The following FHOD3 variants were observed in gnomAD, a reference collection of about 807,000 sequenced individuals.
The protein encoded by FHOD3 is formin homology 2 domain containing 3, also known as FH1/FH2 domain-containing protein 3.
A neutral mutation model predicts 173.0 loss-of-function variants in FHOD3; 90 were observed. The ratio of observed to expected loss-of-function variants is 0.52; its 90% CI spans 0.44 to 0.62. The LOEUF is 0.62. FHOD3 is among the 20% of genes least tolerant of loss of function. FHOD3 has a pLI of 0.00. For missense variants in FHOD3, 1,945 were observed against 2,034.7 expected (o/e 0.96, Z 0.85); for synonymous variants, 828 against 823.0 (o/e 1.01, Z -0.10).
chr18:36,539,696 C>T (rs2057131052), intron 5 of FHOD3, among the ~76,000 whole-genome samples: 2 of 152,178 alleles, frequency 1.3e-5, no homozygotes, highest in Admixed American at 6.5e-5. Context: ...GGCTGTTTAT[C>T]ACCATTTTGA....
intron 27 of FHOD3, among the ~76,000 whole-genome samples, chr18:36,768,185 A>G (rs1380719356): frequency 2.0e-5 from 3 of 152,208 alleles, no homozygotes; most frequent in Non-Finnish European, 2.9e-5. Flanking sequence ...TTTTGAGCAT[A>G]TTGTACATCT....
chr18:36,649,453 C>G, intron 11 of FHOD3, 48 bp downstream of exon 11: 1 of 1,417,530 alleles, frequency 7.1e-7, no homozygotes, highest in South Asian at 1.2e-5. Flanking sequence ...GTGGGAGACT[C>G]CTTCCTAATG....
chr18:36,596,010 C>T (rs184632605), intron 7 of FHOD3, among the ~76,000 whole-genome samples: 182 of 152,200 alleles, frequency 1.2e-3, no homozygotes, highest in African/African-American at 4.0e-3. Flanking sequence ...CACTGTTAAC[C>T]TGTTGGTATA....
chr18:36,562,165 C>T (rs1449028146), intron 5 of FHOD3, among the ~76,000 whole-genome samples: 10 of 152,062 alleles, frequency 6.6e-5, no homozygotes, highest in African/African-American at 2.4e-4. Flanking sequence ...TACAGGCACC[C>T]ACCATCACTC....
chr18:36,660,142 G>A (rs1056207140), intron 14 of FHOD3, among the ~76,000 whole-genome samples: 6 of 152,122 alleles, frequency 3.9e-5, no homozygotes, highest in African/African-American at 7.2e-5. Context: ...GGTGGTGCAC[G>A]CCTGTTATCC....
intron 5 of FHOD3, among the ~76,000 whole-genome samples, chr18:36,573,080 G>A (rs1296758092): frequency 2.0e-5 from 3 of 151,552 alleles, no homozygotes; most frequent in Non-Finnish European, 2.9e-5. Context: ...GGTAAGAAAG[G>A]ATGCACTAGT....
At chr18:36,362,204 C>A (rs1187093263) in intron 2 of FHOD3, among the ~76,000 whole-genome samples, 2 of 152,050 alleles carry the variant, frequency 1.3e-5, no homozygotes, top group Non-Finnish European at 2.9e-5. Flanking sequence ...TCAGATGTAA[C>A]CCCCTGGGGG....
At chr18:36,675,458 C>T (rs949411825) in intron 14 of FHOD3, among the ~76,000 whole-genome samples, 1 of 152,122 alleles carries the variant, frequency 6.6e-6, no homozygotes, top group Non-Finnish European at 1.5e-5. Flanking sequence ...TTTGCTTTTG[C>T]TTCTCTCAAA....
chr18:36,338,384 A>C (rs2045434067), intron 1 of FHOD3, among the ~76,000 whole-genome samples: 1 of 152,124 alleles, frequency 6.6e-6, no homozygotes, highest in Admixed American at 6.5e-5. Flanking sequence ...TCCAACCTTC[A>C]AGAGAAGCTG....
chr18:36,685,855 C>G (rs1468665392), intron 15 of FHOD3, among the ~76,000 whole-genome samples: 1 of 152,022 alleles, frequency 6.6e-6, no homozygotes, highest in East Asian at 1.9e-4. Context: ...CCAGCAGGAA[C>G]AGAAAAACAA....
At chr18:36,745,655 G>A (rs1016605584) in intron 23 of FHOD3, among the ~76,000 whole-genome samples, 5 of 152,030 alleles carry the variant, frequency 3.3e-5, no homozygotes, top group African/African-American at 1.2e-4. Flanking sequence ...TGGCCCCTAA[G>A]TAGCAACGGC....
intron 25 of FHOD3, among the ~76,000 whole-genome samples, chr18:36,756,817 C>A (rs1004816414): frequency 6.6e-6 from 1 of 152,146 alleles, no homozygotes; most frequent in Non-Finnish European, 1.5e-5. Context: ...TACAGCTCTA[C>A]CCTGCACCCA....
At chr18:36,494,678 T>A (rs2054645666) in intron 3 of FHOD3, among the ~76,000 whole-genome samples, 2 of 152,212 alleles carry the variant, frequency 1.3e-5, no homozygotes. Flanking sequence ...CAGGACCTTC[T>A]GCAGCCTTAG....
intron 5 of FHOD3, among the ~76,000 whole-genome samples, chr18:36,566,355 ATATT>A (rs746255381): frequency 3.9e-5 from 6 of 152,200 alleles, no homozygotes; most frequent in East Asian, 1.9e-4. Context: ...TGTAGAATGA[ATATT>A]TATTTATTTT....
At chr18:36,317,064 T>C (rs113084008) in intron 1 of FHOD3, among the ~76,000 whole-genome samples, 3,208 of 152,354 alleles carry the variant, frequency 0.021, 116 homozygotes, top group African/African-American at 0.072. Context: ...CATCCTTTTT[T>C]ATGGCTGCAT....
intron 3 of FHOD3, among the ~76,000 whole-genome samples, chr18:36,467,670 A>G (rs1453216498): frequency 1.3e-5 from 2 of 152,158 alleles, no homozygotes; most frequent in African/African-American, 4.8e-5. Flanking sequence ...AAACCAAGAA[A>G]ACACCCTTCC....
At chr18:36,394,355 T>C (rs1448527808) in intron 3 of FHOD3, among the ~76,000 whole-genome samples, 7 of 152,088 alleles carry the variant, frequency 4.6e-5, no homozygotes, top group Non-Finnish European at 1.0e-4. Context: ...ATCATTGACA[T>C]GAGATTTTGA....
At chr18:36,575,497 A>G (rs1021747905) in intron 5 of FHOD3, among the ~76,000 whole-genome samples, 3 of 152,230 alleles carry the variant, frequency 2.0e-5, no homozygotes, top group African/African-American at 7.2e-5. Flanking sequence ...AAGAATGGTT[A>G]TCTTTAATTT....
intron 5 of FHOD3, among the ~76,000 whole-genome samples, chr18:36,564,096 TGACAC>T (rs1281171732): frequency 4.6e-5 from 7 of 151,972 alleles, no homozygotes; most frequent in African/African-American, 1.2e-4. Context: ...TCACCCCAGG[TGACAC>T]CCCAGGTGAA....
Sources: gnomAD v4.1 joint callset for allele counts (sites outside exome capture counted in the v4.1 genomes callset) on GRCh38, gnomAD v4.1.1 for gene constraint, MANE v1.5 for transcripts, NCBI Gene and HGNC (gene_info 2026-07-23, HGNC 2026-07-21) for gene names.